The following CREB3L2 variants were observed in gnomAD, a reference collection of about 807,000 sequenced individuals.
CREB3L2 encodes cyclic AMP-responsive element-binding protein 3-like protein 2.
A neutral mutation model predicts 57.2 loss-of-function variants in CREB3L2; 23 were observed. That is an observed-to-expected ratio of 0.40 (90% CI 0.29 to 0.57). The LOEUF (loss-of-function observed/expected upper bound fraction) is 0.57, where lower values mean the gene tolerates loss of function less well. CREB3L2 is among the 20% of genes least tolerant of loss of function. The pLI, the probability that CREB3L2 is intolerant of heterozygous loss-of-function variation, is 0.42. For synonymous variants in CREB3L2, 268 were observed against 265.1 expected (o/e 1.01, Z -0.11); for missense variants, 628 against 634.7 (o/e 0.99, Z 0.11).
intron 7 of CREB3L2, among the ~76,000 whole-genome samples, chr7:137,902,342 C>T (rs1299508839): frequency 6.6e-6 from 1 of 152,136 alleles, no homozygotes; most frequent in Non-Finnish European, 1.5e-5. Context: ...GCCCATCATA[C>T]TTCTCCCTCT....
At chr7:137,948,422 T>C (rs992924944) in intron 1 of CREB3L2, among the ~76,000 whole-genome samples, 5 of 152,302 alleles carry the variant, frequency 3.3e-5, no homozygotes, top group South Asian at 2.1e-4. Context: ...AACTTACCCA[T>C]AGCTTCTCCA....
At position 137,875,319 on chromosome 7, in the gene CREB3L2, C is replaced by T. The variant is rs56313230; in HGVS notation, c.*5157G>A. The stretch of plus-strand genomic sequence containing the variant: ...TAAAAAGGGTCACTCACAGTTTTGT[C>T]AAAGAGTGCTGGTGTTCTCTATGAA... On this transcript the variant is annotated 3_prime_UTR_variant, in exon 12 of 12. Coordinates refer to ENST00000330387, the MANE Select transcript of CREB3L2 (RefSeq NM_194071.4). The T allele has an allele frequency of 0.01, 2,243 of 218,724 alleles. 49 individuals carry two copies. Among genetic ancestry groups the T allele is most frequent in the African/African-American group, 0.047 (2,096 of 44,606 alleles). 13.5% of individuals were successfully genotyped at this position (218,724 alleles called of 1,614,324 possible).
chr7:137,928,063 C>T, intron 2 of CREB3L2, 87 bp downstream of exon 2: 2 of 1,034,188 alleles, frequency 1.9e-6, no homozygotes, highest in African/African-American at 1.6e-5. Flanking sequence ...TGCTGACACC[C>T]TCTTTAATAT....
At chr7:137,944,642 AAATT>A (rs1445183601) in intron 1 of CREB3L2, among the ~76,000 whole-genome samples, 3 of 152,254 alleles carry the variant, frequency 2.0e-5, no homozygotes, top group Admixed American at 2.0e-4. Context: ...GTATTTAAAT[AAATT>A]AAGGTATATC....
chr7:137,978,633 T>C (rs1054038993), intron 1 of CREB3L2, among the ~76,000 whole-genome samples: 2 of 152,160 alleles, frequency 1.3e-5, no homozygotes, highest in African/African-American at 4.8e-5. Flanking sequence ...CGTAAGACAC[T>C]GGTCAGGCAG....
intron 1 of CREB3L2, among the ~76,000 whole-genome samples, chr7:137,972,730 T>TAC (rs1801536825): frequency 6.6e-4 from 18 of 27,332 alleles, no homozygotes; most frequent in South Asian, 1.5e-3. Context: ...TATATATATA[T>TAC]ATATATAGAG....
intron 1 of CREB3L2, among the ~76,000 whole-genome samples, chr7:137,960,809 C>CTTTTTTTTTTTTTTTTTTTTTTTTTTTTT (rs66493086): frequency 1.0e-5 from 1 of 95,574 alleles, no homozygotes; most frequent in Non-Finnish European, 1.9e-5. Flanking sequence ...TAAATTATTT[C>CTTTTTTTTTTTTTTTTTTTTTTTTTTTTT]TTTTTTTTTT....
rs868313312 is a variant in CREB3L2, at chr7:137,941,339, G to A, written c.103-12973C>T. Among the ~76,000 whole-genome samples the A allele has an allele frequency of 1.1e-4, 17 of 152,370 alleles. 1 individual carries two copies. Among genetic ancestry groups the A allele is most frequent in the Middle Eastern group, 6.8e-3 (2 of 294 alleles). ...TGAAAACTGGCTAAGAAAACCATGT[G>A]CAGGCTATGAACACGGAAGTGACTT... On this transcript the variant is annotated intron_variant, in intron 1 of 11. Coordinates refer to ENST00000330387, the MANE Select transcript of CREB3L2 (RefSeq NM_194071.4).
chr7:137,964,168 T>C (rs888643245), intron 1 of CREB3L2, among the ~76,000 whole-genome samples: 11 of 151,976 alleles, frequency 7.2e-5, no homozygotes, highest in African/African-American at 2.7e-4. Context: ...ATACAAAAAT[T>C]AGCCAGGCGT....
At chr7:137,967,379 A>G (rs997900417) in intron 1 of CREB3L2, among the ~76,000 whole-genome samples, 2 of 152,164 alleles carry the variant, frequency 1.3e-5, no homozygotes, top group Admixed American at 6.5e-5. Flanking sequence ...ACCTAGAGAC[A>G]ATTTACCTAA....
At chr7:137,917,895 G>GA in intron 2 of CREB3L2, among the ~76,000 whole-genome samples, 1 of 152,076 alleles carries the variant, frequency 6.6e-6, no homozygotes, top group East Asian at 1.9e-4. Context: ...ATCCTTCATG[G>GA]GGTGTGCGCC....
intron 1 of CREB3L2, among the ~76,000 whole-genome samples, chr7:137,930,761 T>C (rs1289245122): frequency 1.3e-5 from 2 of 152,106 alleles, no homozygotes; most frequent in African/African-American, 2.4e-5. Flanking sequence ...GCTCTCTGAG[T>C]ACAAATACAT....
intron 9 of CREB3L2, 99 bp from the exon 10 acceptor site, chr7:137,885,220 A>G: frequency 7.1e-7 from 1 of 1,410,254 alleles, no homozygotes; most frequent in Non-Finnish European, 9.7e-7. Context: ...TCTCCTCTTC[A>G]GGCCAGTGGA....
At chr7:137,898,922 AGGAG>A (rs759850737) in intron 8 of CREB3L2, among the ~76,000 whole-genome samples, 40 of 139,258 alleles carry the variant, frequency 2.9e-4, no homozygotes, top group Non-Finnish European at 4.2e-4. Context: ...AAAATGTGGA[AGGAG>A]GGAGGGAGGG....
Position 137,958,491 on chromosome 7 carries a change from C to A in CREB3L2, c.103-30125G>T, listed in dbSNP as rs113359181. On this transcript the variant is annotated intron_variant, in intron 1 of 11. Transcript: ENST00000330387. The stretch of plus-strand genomic sequence containing the variant: ...ACCAGACTGGGCAACATAGTGGAGA[C>A]CCTGCCTGTTCAAAAAAAAAGAAAG... 7.9e-5 allele frequency among the ~76,000 whole-genome samples: 12 copies of A among 152,106 alleles called. 1 individual carries two copies. The highest frequency in any genetic ancestry group is 1.2e-4 in the African/African-American group (5 of 41,516).
intron 1 of CREB3L2, among the ~76,000 whole-genome samples, chr7:137,990,575 T>C (rs1585680925): frequency 6.6e-6 from 1 of 152,166 alleles, no homozygotes; most frequent in Non-Finnish European, 1.5e-5. Context: ...GGACCAGCTA[T>C]GTGAGAGGTT....
At chr7:137,954,355 G>C (rs927534219) in intron 1 of CREB3L2, among the ~76,000 whole-genome samples, 9 of 152,200 alleles carry the variant, frequency 5.9e-5, no homozygotes, top group Non-Finnish European at 1.3e-4. Context: ...TCTTGCAGGT[G>C]GTGACAGCAG....
chr7:137,973,275 T>C (rs1801549771), intron 1 of CREB3L2, among the ~76,000 whole-genome samples: 1 of 152,046 alleles, frequency 6.6e-6, no homozygotes, highest in Non-Finnish European at 1.5e-5. Context: ...CATTCCAACT[T>C]GTTTGCCTTG....
At position 137,879,258 on chromosome 7, in the gene CREB3L2, G is replaced by A. The variant is rs1481713200; in HGVS notation, c.*1218C>T. The A allele has an allele frequency of 1.9e-6, 1 of 535,536 alleles. No individual in the cohort carries two copies. The highest frequency in any genetic ancestry group is 3.6e-6 in the Non-Finnish European group (1 of 275,750). 33.2% of individuals were successfully genotyped at this position (535,536 alleles called of 1,614,324 possible). On this transcript the variant is annotated 3_prime_UTR_variant, in exon 12 of 12. Coordinates refer to ENST00000330387, the MANE Select transcript of CREB3L2 (RefSeq NM_194071.4). ...AAAGTAGCCAAACCTGACTACCAAA[G>A]GTAAGAATGTGGATACACAAATGTC...
Sources: gnomAD v4.1 joint callset for allele counts (sites outside exome capture counted in the v4.1 genomes callset) on GRCh38, gnomAD v4.1.1 for gene constraint, MANE v1.5 for transcripts, NCBI Gene and HGNC (gene_info 2026-07-23, HGNC 2026-07-21) for gene names.